Variants in VDAC1 observed in about 807,000 individuals in gnomAD.
VDAC1 encodes the protein voltage dependent anion channel 1.
In VDAC1, 10 loss-of-function variants were observed where a neutral mutation model predicts 34.7. The ratio of observed to expected loss-of-function variants is 0.29; its 90% CI spans 0.18 to 0.49. The LOEUF is 0.49. Ranked by LOEUF, VDAC1 falls within the 20% of genes least tolerant of loss-of-function variation. The pLI, the probability that VDAC1 is intolerant of heterozygous loss-of-function variation, is 0.99. For synonymous variants in VDAC1, 130 were observed against 136.0 expected, an observed-to-expected ratio of 0.96 and a Z score of 0.30; for missense variants, 230 against 347.9, an observed-to-expected ratio of 0.66 and a Z score of 2.69.
chr5:134,045,894 A>G, the VDAC1 span, among the ~76,000 whole-genome samples: 2 of 151,550 alleles, frequency 1.3e-5, no homozygotes, highest in African/African-American at 4.9e-5. Flanking sequence ...CGTGTTGGTC[A>G]GGCTGGTCTC....
the VDAC1 span, among the ~76,000 whole-genome samples, chr5:134,078,596 G>A: frequency 2.6e-5 from 4 of 150,990 alleles, no homozygotes; most frequent in Non-Finnish European, 4.4e-5. Flanking sequence ...CATAGCAGGT[G>A]TGCAAGATAG....
the VDAC1 span, among the ~76,000 whole-genome samples, chr5:134,110,968 C>A: frequency 4.6e-5 from 7 of 152,238 alleles, no homozygotes; most frequent in Non-Finnish European, 7.3e-5. Context: ...AGCCTAACAA[C>A]TTCCGAAAAA....
At chr5:134,020,884 A>C in the VDAC1 span, among the ~76,000 whole-genome samples, 1 of 151,960 alleles carries the variant, frequency 6.6e-6, no homozygotes, top group Non-Finnish European at 1.5e-5. Context: ...GAGGCCAGTC[A>C]CAGGGGCTCA....
chr5:134,055,450 C>T, the VDAC1 span, among the ~76,000 whole-genome samples: 5 of 152,082 alleles, frequency 3.3e-5, no homozygotes, highest in South Asian at 4.2e-4. Context: ...GATGGAGTCT[C>T]GCTCTGTCAC....
At chr5:134,009,483 T>A (rs1163684222), upstream of VDAC1, among the ~76,000 whole-genome samples, 5 of 151,702 alleles carry the variant, frequency 3.3e-5, no homozygotes, top group Non-Finnish European at 7.4e-5. Flanking sequence ...GGTCTCAAAC[T>A]CCTGACCTTG....
chr5:134,045,302 G>C, the VDAC1 span, among the ~76,000 whole-genome samples: 2 of 152,240 alleles, frequency 1.3e-5, no homozygotes, highest in African/African-American at 4.8e-5. Flanking sequence ...CTGAAGTCCA[G>C]TGTATCAGCT....
At chr5:134,087,055 T>C in the VDAC1 span, among the ~76,000 whole-genome samples, 1 of 152,038 alleles carries the variant, frequency 6.6e-6, no homozygotes, top group African/African-American at 2.4e-5. Context: ...GAATACTACA[T>C]TTTGGGCCTG....
the VDAC1 span, among the ~76,000 whole-genome samples, chr5:134,013,436 A>AAAAC: frequency 2.6e-5 from 4 of 152,086 alleles, no homozygotes; most frequent in South Asian, 4.2e-4. Context: ...CTGTGTCTCA[A>AAAAC]AAACAAACAA....
chr5:134,019,803 G>T, the VDAC1 span, among the ~76,000 whole-genome samples: 1 of 152,086 alleles, frequency 6.6e-6, no homozygotes, highest in Admixed American at 6.6e-5. Flanking sequence ...CAAGCACCTG[G>T]CCTGTCTGAG....
At chr5:134,069,062 T>C in the VDAC1 span, among the ~76,000 whole-genome samples, 11 of 151,524 alleles carry the variant, frequency 7.3e-5, no homozygotes, top group African/African-American at 2.4e-4. Context: ...CAGTCCTCTC[T>C]GGGAGTCCCA....
the VDAC1 span, among the ~76,000 whole-genome samples, chr5:134,018,059 T>C: frequency 6.6e-6 from 1 of 152,236 alleles, no homozygotes; most frequent in South Asian, 2.1e-4. Context: ...AAGAAATACC[T>C]GAGGCTGGGT....
the VDAC1 span, among the ~76,000 whole-genome samples, chr5:134,059,530 G>A: frequency 1.3e-5 from 2 of 151,988 alleles, no homozygotes; most frequent in African/African-American, 4.8e-5. Flanking sequence ...TGTTCATAGG[G>A]CCAGGAAGCT....
At chr5:134,060,052 C>A in the VDAC1 span, among the ~76,000 whole-genome samples, 1 of 151,802 alleles carries the variant, frequency 6.6e-6, no homozygotes, top group Non-Finnish European at 1.5e-5. Context: ...TCCTCTCCCA[C>A]ACCCCAGGGC....
At chr5:134,029,774 G>T in the VDAC1 span, among the ~76,000 whole-genome samples, 2 of 152,194 alleles carry the variant, frequency 1.3e-5, no homozygotes, top group African/African-American at 4.8e-5. Context: ...GAAAAGGGCG[G>T]TGGGAGTGAC....
At chr5:134,074,950 T>C in the VDAC1 span, among the ~76,000 whole-genome samples, 1 of 152,104 alleles carries the variant, frequency 6.6e-6, no homozygotes, top group African/African-American at 2.4e-5. Flanking sequence ...ACTCCAGACC[T>C]GGGTCCTAGC....
At chr5:134,102,300 G>T in the VDAC1 span, among the ~76,000 whole-genome samples, 1 of 152,008 alleles carries the variant, frequency 6.6e-6, no homozygotes. Context: ...TGGTCTGAAT[G>T]GAGCAGACTC....
chr5:134,082,997 A>G, the VDAC1 span, among the ~76,000 whole-genome samples: 1 of 152,218 alleles, frequency 6.6e-6, no homozygotes, highest in Non-Finnish European at 1.5e-5. Context: ...TTATAGCTAA[A>G]CTGGCAAGTA....
chr5:134,050,731 A>T, the VDAC1 span, among the ~76,000 whole-genome samples: 1 of 152,242 alleles, frequency 6.6e-6, no homozygotes, highest in African/African-American at 2.4e-5. Flanking sequence ...AAAAATTCTC[A>T]AAGTGGAATA....
the VDAC1 span, among the ~76,000 whole-genome samples, chr5:134,077,471 C>G: frequency 6.6e-6 from 1 of 152,138 alleles, no homozygotes; most frequent in South Asian, 2.1e-4. Flanking sequence ...GGAGCCTACT[C>G]CTCAGGAGAG....
Sources: allele counts gnomAD v4.1 joint callset (sites outside exome capture counted in the v4.1 genomes callset), GRCh38; gene constraint gnomAD v4.1.1; transcripts MANE v1.5; gene names NCBI Gene and HGNC (gene_info 2026-07-23, HGNC 2026-07-21).